Variants in DPP6 observed in about 807,000 individuals in gnomAD.
DPP6 encodes A-type potassium channel modulatory protein DPP6.
A neutral mutation model predicts 122.6 loss-of-function variants in DPP6; 69 were observed. The ratio of observed to expected loss-of-function variants is 0.56; its 90% CI spans 0.46 to 0.69. The LOEUF is 0.69. DPP6 is among the 30% of genes least tolerant of loss of function. DPP6 has a pLI of 0.00. For missense variants in DPP6, 928 were observed against 1,116.9 expected, an observed-to-expected ratio of 0.83 and a Z score of 2.41; for synonymous variants, 418 against 433.1, an observed-to-expected ratio of 0.97 and a Z score of 0.43.
the DPP6 span, among the ~76,000 whole-genome samples, chr7:153,825,002 A>G: frequency 6.6e-6 from 1 of 152,108 alleles, no homozygotes; most frequent in Non-Finnish European, 1.5e-5. Context: ...GAGGGGAGGC[A>G]GCACTCTCAT....
rs1798530432 is a variant in DPP6 at position 154,803,870 on chromosome 7, A to G, written c.1414A>G (p.Ser472Gly). Residue 472 changes from serine to glycine, a missense_variant, in exon 14 of 26, where the codon AGC becomes GGC. Coordinates refer to ENST00000377770, the MANE Select transcript of DPP6 (RefSeq NM_130797.4). ...CCATGTCTGTGTGTTTCAGCCCAAC[A>G]GCAGCAACGACAACATCCAGTCCAT... ...HITVSSSQPN[S>G]SNDNIQSITS... 1 of 1,613,662 alleles carries G rather than the reference A, an allele frequency of 6.2e-7. No individual in the cohort carries two copies. Among genetic ancestry groups the G allele is most frequent in the Non-Finnish European group, 8.5e-7 (1 of 1,179,666 alleles).
At chr7:154,438,303 T>A (rs543983887) in intron 1 of DPP6, among the ~76,000 whole-genome samples, 190 of 150,648 alleles carry the variant, frequency 1.3e-3, no homozygotes, top group South Asian at 6.3e-3. Context: ...CCGTCTCGAC[T>A]AAAAAAATAC....
chr7:154,550,693 A>G (rs1829560970), intron 4 of DPP6, among the ~76,000 whole-genome samples: 1 of 152,040 alleles, frequency 6.6e-6, no homozygotes, highest in Admixed American at 6.6e-5. Context: ...AAACACATCT[A>G]AACATACACA....
chr7:153,835,732 A>G, the DPP6 span, among the ~76,000 whole-genome samples: 9 of 152,322 alleles, frequency 5.9e-5, no homozygotes, highest in African/African-American at 2.2e-4. Flanking sequence ...GCCAGAACCT[A>G]GAACATCATC....
Position 154,100,977 on chromosome 7 carries a change from G to A in DPP6, c.243+47914G>A, listed in dbSNP as rs965690293. ...GCTCACCTCCCCGTGACCGTGCAGC[G>A]TGCTGCTGGTCCTGCCAACGGTGCC... is the stretch of plus-strand genomic sequence containing the variant. On this transcript the variant is annotated intron_variant, in intron 1 of 25. Coordinates refer to ENST00000377770, the MANE Select transcript of DPP6 (RefSeq NM_130797.4). Among the ~76,000 whole-genome samples the A allele has an allele frequency of 4.3e-5, 6 of 138,644 alleles. 1 individual carries two copies. The highest frequency in any genetic ancestry group is 8.0e-5 in the Non-Finnish European group (5 of 62,368). 91.0% of individuals were successfully genotyped at this position (138,644 alleles called of 152,430 possible). A position where few individuals can be genotyped will look rare whatever the true frequency, so the allele number is the denominator to read the frequency against.
chr7:154,539,640 G>C (rs1232725068), intron 3 of DPP6, among the ~76,000 whole-genome samples: 1 of 139,514 alleles, frequency 7.2e-6, no homozygotes, highest in Non-Finnish European at 1.6e-5. Flanking sequence ...ATACAAAAAA[G>C]AAAAAAAAAA....
chr7:154,461,956 T>A (rs577716782), intron 2 of DPP6, among the ~76,000 whole-genome samples: 2 of 152,186 alleles, frequency 1.3e-5, no homozygotes, highest in South Asian at 4.1e-4. Flanking sequence ...TCCTGGAGAG[T>A]TTCCCCAATT....
intron 6 of DPP6, among the ~76,000 whole-genome samples, chr7:154,648,015 C>T (rs1836606951): frequency 6.6e-6 from 1 of 151,792 alleles, no homozygotes; most frequent in Non-Finnish European, 1.5e-5. Context: ...CTTTGGGGGA[C>T]CGAGGCGGGC....
At chr7:154,785,906 A>G (rs1389002787) in intron 10 of DPP6, among the ~76,000 whole-genome samples, 1 of 152,048 alleles carries the variant, frequency 6.6e-6, no homozygotes, top group Non-Finnish European at 1.5e-5. Context: ...ATTTTATTAC[A>G]TCCTCTCTCT....
At chr7:154,288,277 T>G (rs1365125450) in intron 1 of DPP6, among the ~76,000 whole-genome samples, 1 of 152,112 alleles carries the variant, frequency 6.6e-6, no homozygotes, top group Non-Finnish European at 1.5e-5. Context: ...AGGCAGCAGG[T>G]GAGCAGAAGA....
chr7:154,821,963 T>C lies in DPP6; in HGVS notation c.1666+14851T>C, dbSNP rs77775040. 0.014 allele frequency among the ~76,000 whole-genome samples: 2,075 copies of C among 152,240 alleles called. 44 individuals carry two copies. Among genetic ancestry groups the C allele is most frequent in the African/African-American group, 0.047 (1,957 of 41,524 alleles). ...CGGTTAAAAGCCAGTGTGGAATACA[T>C]GTCTCAAGCTTCCCTGATGTTATTT... On this transcript the variant is annotated intron_variant, in intron 16 of 25. Transcript: ENST00000377770. The surrounding 1 kb of genome is among the most constrained non-coding windows in gnomAD (Gnocchi z 4.2).
rs2046749 is a variant in DPP6 at position 154,618,982 on chromosome 7, G to A, written c.628-18839G>A. On this transcript the variant is annotated intron_variant, in intron 5 of 25. Coordinates refer to ENST00000377770, the MANE Select transcript of DPP6 (RefSeq NM_130797.4). The surrounding 1 kb of genome is among the most constrained non-coding windows in gnomAD (Gnocchi z 4.1). Reference sequence around the variant, plus strand: ...GGCAGGTTTTTCCCATGCTGTTCTCGTGAGAGTAAATGAGTCTTACAAGAT... The same window carrying A: ...GGCAGGTTTTTCCCATGCTGTTCTCATGAGAGTAAATGAGTCTTACAAGAT... Among the ~76,000 whole-genome samples, 136,485 of 152,128 alleles carry A rather than the reference G, an allele frequency of 0.9. 61,977 individuals are homozygous for A. Among genetic ancestry groups the A allele is most frequent in the East Asian group, 1 (5,168 of 5,170 alleles).
intron 7 of DPP6, among the ~76,000 whole-genome samples, chr7:154,692,367 T>C (rs1252921204): frequency 1.9e-4 from 29 of 152,356 alleles, no homozygotes; most frequent in Middle Eastern, 3.4e-3. Context: ...AGGTAATGTA[T>C]GTAATTAAGT....
chr7:153,995,595 A>AAG (rs1797391536), intron 1 of DPP6, among the ~76,000 whole-genome samples: 1 of 151,558 alleles, frequency 6.6e-6, no homozygotes, highest in Non-Finnish European at 1.5e-5. Flanking sequence ...TCTCAAAAAA[A>AAG]AAAAAAAAAA....
chr7:154,520,941 A>G (rs1826925168), intron 3 of DPP6, among the ~76,000 whole-genome samples: 2 of 152,218 alleles, frequency 1.3e-5, no homozygotes, highest in South Asian at 4.1e-4. Flanking sequence ...CTCGTATTCT[A>G]CTGAAGAAAT....
At chr7:153,873,490 C>T in the DPP6 span, among the ~76,000 whole-genome samples, 16 of 151,910 alleles carry the variant, frequency 1.1e-4, no homozygotes, top group African/African-American at 2.4e-4. Context: ...AATCTAGTTG[C>T]GGAGATTTAA....
At chr7:154,015,674 C>A (rs185185181) in intron 1 of DPP6, among the ~76,000 whole-genome samples, 15 of 152,138 alleles carry the variant, frequency 9.9e-5, no homozygotes, top group Non-Finnish European at 4.4e-5. Flanking sequence ...ATTCAGCAAG[C>A]CTCATCGATC....
chr7:154,621,234 G>A lies in DPP6; in HGVS notation c.628-16587G>A, dbSNP rs117782643. On this transcript the variant is annotated intron_variant, in intron 5 of 25. Coordinates refer to ENST00000377770, the MANE Select transcript of DPP6 (RefSeq NM_130797.4). The stretch of plus-strand genomic sequence containing the variant: ...CATGATTTGGAAGCCTGCTAAGAAT[G>A]AGTCTATAATATGTTTATGTCATGT... 4.3e-3 allele frequency among the ~76,000 whole-genome samples: 661 copies of A among 152,286 alleles called. 2 individuals carry two copies. Among genetic ancestry groups the A allele is most frequent in the Middle Eastern group, 6.8e-3 (2 of 294 alleles).
chr7:154,861,081 C>G (rs6968203), intron 17 of DPP6, among the ~76,000 whole-genome samples: 20,005 of 152,196 alleles, frequency 0.13, 3,199 homozygotes, highest in African/African-American at 0.38. Flanking sequence ...CAAGTTTCTA[C>G]CTAAGACCCA....
Sources: gnomAD v4.1 joint callset for allele counts (sites outside exome capture counted in the v4.1 genomes callset) on GRCh38, gnomAD v4.1.1 for gene constraint, Gnocchi (gnomAD v3.1) non-coding constraint, MANE v1.5 for transcripts, NCBI Gene and HGNC (gene_info 2026-07-23, HGNC 2026-07-21) for gene names.